Variants in RRAGC observed in about 807,000 individuals in gnomAD.
RRAGC encodes the protein ras-related GTP-binding protein C.
A neutral mutation model predicts 37.1 loss-of-function variants in RRAGC; 8 were observed. The ratio of observed to expected loss-of-function variants is 0.22; its 90% CI spans 0.13 to 0.39. The LOEUF is 0.39. Ranked by LOEUF, RRAGC falls within the 10% of genes least tolerant of loss-of-function variation. RRAGC has a pLI of 1.00. For missense variants in RRAGC, 342 were observed against 497.6 expected, an observed-to-expected ratio of 0.69 and a Z score of 2.98; for synonymous variants, 190 against 181.1, an observed-to-expected ratio of 1.05 and a Z score of -0.39.
rs1483963999 is a variant in RRAGC, at chr1:38,859,395, C to A, written c.237+15G>T. 8 of 1,546,048 alleles carry A rather than the reference C, an allele frequency of 5.2e-6. No homozygotes were observed. The highest frequency in any genetic ancestry group is 3.9e-5 in the Admixed American group (2 of 50,910). On this transcript the variant is annotated intron_variant, in intron 1 of 6. Coordinates refer to ENST00000373001, the MANE Select transcript of RRAGC (RefSeq NM_022157.4). ...ACCGGGGAGGGGGCGGGGGACTGGG[C>A]GCAGCCCTGCTCACCTTCTGGATGG...
intron 6 of RRAGC, among the ~76,000 whole-genome samples, chr1:38,840,745 T>G (rs1354514155): frequency 6.6e-6 from 1 of 151,536 alleles, no homozygotes; most frequent in Non-Finnish European, 1.5e-5. Flanking sequence ...GACTGGAGAG[T>G]GGGACATCAG....
At position 38,845,930 on chromosome 1, in the gene RRAGC, T is replaced by G. The variant is rs1004714683; in HGVS notation, c.1048+9A>C. 1.9e-6 allele frequency: 3 copies of G among 1,583,376 alleles called. No homozygotes were observed. Among genetic ancestry groups the G allele is most frequent in the Non-Finnish European group, 8.5e-7 (1 of 1,171,264 alleles). On this transcript the variant is annotated intron_variant, in intron 6 of 6. Coordinates refer to ENST00000373001, the MANE Select transcript of RRAGC (RefSeq NM_022157.4). ...TTAACATAAAAACAGCTTTTTAAAA[T>G]GCTATTACCTTTTCTTTCAAAGCTT...
chr1:38,856,430 C>T (rs1642168480), intron 2 of RRAGC, among the ~76,000 whole-genome samples: 1 of 152,208 alleles, frequency 6.6e-6, no homozygotes, highest in Non-Finnish European at 1.5e-5. Flanking sequence ...CCATTCATCT[C>T]ACTGACTGCC....
At chr1:38,853,267 G>A (rs1642122380) in intron 3 of RRAGC, among the ~76,000 whole-genome samples, 2 of 152,216 alleles carry the variant, frequency 1.3e-5, no homozygotes, top group African/African-American at 4.8e-5. Context: ...ACTTACGGTG[G>A]AGAAGTAACA....
intron 6 of RRAGC, among the ~76,000 whole-genome samples, chr1:38,843,362 T>C (rs888527596): frequency 2.0e-5 from 3 of 152,142 alleles, no homozygotes; most frequent in African/African-American, 7.2e-5. Flanking sequence ...TTTTAGTTCT[T>C]AAGCTGAAAG....
intron 1 of RRAGC, among the ~76,000 whole-genome samples, chr1:38,858,276 A>G (rs1239784605): frequency 6.6e-6 from 1 of 152,224 alleles, no homozygotes; most frequent in Non-Finnish European, 1.5e-5. Context: ...TATTTTGGAT[A>G]GGCCTTTGCA....
At chr1:38,841,551 GAC>G (rs1641963036) in intron 6 of RRAGC, among the ~76,000 whole-genome samples, 1 of 151,754 alleles carries the variant, frequency 6.6e-6, no homozygotes. Flanking sequence ...TTTTGGTAGA[GAC>G]AGTGTCTTGC....
In RRAGC at chr1:38,845,935, T is replaced by C. The variant is rs1461903720; in HGVS notation, c.1048+4A>G. On this transcript the variant is annotated splice_donor_region_variant and intron_variant, in intron 6 of 6. Coordinates refer to ENST00000373001, the MANE Select transcript of RRAGC (RefSeq NM_022157.4). ...ATAAAAACAGCTTTTTAAAATGCTATTACCTTTTCTTTCAAAGCTTTCTTC... is the reference window on the plus strand; with the variant it reads ...ATAAAAACAGCTTTTTAAAATGCTACTACCTTTTCTTTCAAAGCTTTCTTC... 4 of 1,601,280 alleles carry C rather than the reference T, an allele frequency of 2.5e-6. No homozygotes were observed. The highest frequency in any genetic ancestry group is 3.4e-6 in the Non-Finnish European group (4 of 1,176,492).
intron 2 of RRAGC, 127 bp downstream of exon 2, chr1:38,856,752 T>C (rs919845592): frequency 4.8e-6 from 4 of 829,744 alleles, no homozygotes; most frequent in Non-Finnish European, 7.7e-6. Context: ...CTGCATCTCT[T>C]ACACTGTTAG....
chr1:38,859,749 CG>C lies in RRAGC; in HGVS notation c.-104del. 1.9e-6 allele frequency: 2 copies of C among 1,034,082 alleles called. No individual in the cohort carries two copies. The highest frequency in any genetic ancestry group is 2.4e-6 in the Non-Finnish European group (2 of 816,540). 64.1% of individuals were successfully genotyped at this position (1,034,082 alleles called of 1,614,324 possible). On this transcript the variant is annotated 5_prime_UTR_variant, in exon 1 of 7. Coordinates refer to ENST00000373001, the MANE Select transcript of RRAGC (RefSeq NM_022157.4). ...CCGCCGCCGCCGCCACCACCGCCACCGCCCCCGGCAGCCGCCACAGTCCGGC... is the reference window on the plus strand; with the variant it reads ...CCGCCGCCGCCGCCACCACCGCCACCCCCCCGGCAGCCGCCACAGTCCGGC...
intron 6 of RRAGC, among the ~76,000 whole-genome samples, chr1:38,841,022 C>A (rs1028171285): frequency 9.2e-5 from 14 of 152,208 alleles, no homozygotes; most frequent in Non-Finnish European, 2.1e-4. Flanking sequence ...GAGATACCTA[C>A]TGAAATCTGC....
rs903394672 is a variant in RRAGC at position 38,839,171 on chromosome 1, T to C, written c.*382A>G. 2 of 168,234 alleles carry C rather than the reference T, an allele frequency of 1.2e-5. No individual in the cohort carries two copies. The highest frequency in any genetic ancestry group is 4.8e-5 in the African/African-American group (2 of 42,072). The allele number at this position is 168,234 out of a possible 1,614,324, so 10.4% of individuals were successfully genotyped here. ...CAAATGAAAGCCTAAGTGAAGCATA[T>C]AAAAATTCAGTCTTTTCTATTATTT... is the stretch of plus-strand genomic sequence containing the variant. On this transcript the variant is annotated 3_prime_UTR_variant, in exon 7 of 7. Transcript: ENST00000373001.
At chr1:38,841,992 T>TG (rs1311287065) in intron 6 of RRAGC, among the ~76,000 whole-genome samples, 4 of 149,468 alleles carry the variant, frequency 2.7e-5, no homozygotes, top group Non-Finnish European at 5.9e-5. Context: ...AAAAATTAGC[T>TG]GGGGGCGTGG....
intron 6 of RRAGC, among the ~76,000 whole-genome samples, chr1:38,844,353 A>T (rs181446963): frequency 6.6e-6 from 1 of 151,946 alleles, no homozygotes; most frequent in Admixed American, 6.6e-5. Flanking sequence ...GAATTTTTCA[A>T]TCACATAGAG....
At chr1:38,849,581 G>C (rs1034451398) in intron 5 of RRAGC, among the ~76,000 whole-genome samples, 4 of 151,886 alleles carry the variant, frequency 2.6e-5, no homozygotes, top group Admixed American at 2.6e-4. Context: ...CCAGCTACTC[G>C]GGAGGCTGAG....
chr1:38,852,625 T>C lies in RRAGC; in HGVS notation c.642-137A>G, dbSNP rs1256036740. 7.8e-6 allele frequency: 4 copies of C among 514,420 alleles called. No individual in the cohort carries two copies. In the East Asian group the frequency reaches 1.0e-4, roughly 13 times the overall value. The allele number at this position is 514,420 out of a possible 1,614,324, so 31.9% of individuals were successfully genotyped here. A position where few individuals can be genotyped will look rare whatever the true frequency, so the allele number is the denominator to read the frequency against. The stretch of plus-strand genomic sequence containing the variant: ...TAAAGCCTCTTTATCTTGTCTACCA[T>C]ACCCATCACTCAAGATGACAAATAC... On this transcript the variant is annotated intron_variant, in intron 3 of 6. Coordinates refer to ENST00000373001, the MANE Select transcript of RRAGC (RefSeq NM_022157.4).
At chr1:38,851,518 C>G (rs1482244694) in intron 5 of RRAGC, 97 bp downstream of exon 5, 24 of 1,110,160 alleles carry the variant, frequency 2.2e-5, no homozygotes, top group Non-Finnish European at 2.9e-5. Flanking sequence ...TCATGTAGTA[C>G]CACTTGCCAG....
rs1641996119 is a variant in RRAGC, at chr1:38,843,899, CAAGT to C, written c.1048+2036_1048+2039del. On this transcript the variant is annotated intron_variant, in intron 6 of 6. Coordinates refer to ENST00000373001, the MANE Select transcript of RRAGC (RefSeq NM_022157.4). ...TATATGTCAACTACATGAATATTATCAAGTAAGAGACTACTGCAGCACCACTGGC... is the reference window on the plus strand; with the variant it reads ...TATATGTCAACTACATGAATATTATCAAGAGACTACTGCAGCACCACTGGC... 2.6e-5 allele frequency among the ~76,000 whole-genome samples: 4 copies of C among 152,048 alleles called. No homozygotes were observed. The South Asian group carries it at 8.3e-4, about 32-fold the overall frequency.
At chr1:38,850,847 T>G (rs1204746780) in intron 5 of RRAGC, among the ~76,000 whole-genome samples, 1 of 152,050 alleles carries the variant, frequency 6.6e-6, no homozygotes, top group Non-Finnish European at 1.5e-5. Context: ...TTTTGTTGTT[T>G]TTTTTTGGTA....
Sources: gnomAD v4.1 joint callset for allele counts (sites outside exome capture counted in the v4.1 genomes callset) on GRCh38, gnomAD v4.1.1 for gene constraint, MANE v1.5 for transcripts, NCBI Gene and HGNC (gene_info 2026-07-23, HGNC 2026-07-21) for gene names.